The following CES1 variants were observed in gnomAD, a reference collection of about 807,000 sequenced individuals.
CES1 encodes carboxylesterase 1.
In CES1, 50 loss-of-function variants were observed where a neutral mutation model predicts 53.0. The ratio of observed to expected loss-of-function variants is 0.94; its 90% CI spans 0.75 to 1.19. The LOEUF is 1.19. Among genes scored for constraint, CES1 ranks in the 50% most tolerant of loss-of-function variants. The pLI is 0.00. For synonymous variants in CES1, 202 were observed against 210.1 expected, an observed-to-expected ratio of 0.96 and a Z score of 0.33; for missense variants, 534 against 538.0, an observed-to-expected ratio of 0.99 and a Z score of 0.07.
intron 8 of CES1, among the ~76,000 whole-genome samples, chr16:55,816,047 C>A (rs1322936861): frequency 6.6e-6 from 1 of 152,292 alleles, no homozygotes; most frequent in Non-Finnish European, 1.5e-5. Context: ...GGTTTCCTGA[C>A]AGCTGGCTTC....
At position 55,809,093 on chromosome 16, in the gene CES1, C is replaced by CAAAAAAAAAAAAAAAA. The variant is rs376932562; in HGVS notation, c.1318+1408_1318+1423dup. Among the ~76,000 whole-genome samples, 30 of 72,002 alleles carry CAAAAAAAAAAAAAAAA rather than the reference C, an allele frequency of 4.2e-4. 2 individuals are homozygous for CAAAAAAAAAAAAAAAA. Among genetic ancestry groups the CAAAAAAAAAAAAAAAA allele is most frequent in the Admixed American group, 1.1e-3 (6 of 5,620 alleles). 47.2% of individuals were successfully genotyped at this position (72,002 alleles called of 152,430 possible). ...GTAGATAAAATCTGTGTAGTCCTGGCAAAAAAAAAAAAAAAAAAGCCCTGA... is the reference window on the plus strand; with the variant it reads ...GTAGATAAAATCTGTGTAGTCCTGGCAAAAAAAAAAAAAAAAAAAAAAAAAAAAAAAAAAGCCCTGA... On this transcript the variant is annotated intron_variant, in intron 11 of 13. Coordinates refer to ENST00000360526, the MANE Select transcript of CES1 (RefSeq NM_001025195.2).
At chr16:55,826,862 T>C (rs1345818004) in intron 2 of CES1, among the ~76,000 whole-genome samples, 2 of 152,212 alleles carry the variant, frequency 1.3e-5, no homozygotes, top group Non-Finnish European at 2.9e-5. Context: ...GCAACATAGA[T>C]GAACACTGGT....
intron 8 of CES1, among the ~76,000 whole-genome samples, chr16:55,815,741 G>A (rs1347971604): frequency 1.3e-5 from 2 of 152,066 alleles, no homozygotes; most frequent in Non-Finnish European, 2.9e-5. Flanking sequence ...TGCAGTGGCT[G>A]CCCAGCTGGT....
rs57294788 is a variant in CES1 at position 55,830,819 on chromosome 16, AAGGC to A, written c.53-1849_53-1846del. On this transcript the variant is annotated intron_variant, in intron 1 of 13. Coordinates refer to ENST00000360526, the MANE Select transcript of CES1 (RefSeq NM_001025195.2). ...GAAGGAAGGAAGGAAGGAAGGAAGG[AAGGC>A]AGGCAGGCAGGCAGGCAGGCAGGCA... 4.7e-3 allele frequency among the ~76,000 whole-genome samples: 598 copies of A among 127,210 alleles called. 19 individuals are homozygous for A. The highest frequency in any genetic ancestry group is 5.5e-3 in the Non-Finnish European group (345 of 62,270). 83.5% of individuals were successfully genotyped at this position (127,210 alleles called of 152,430 possible).
At chr16:55,818,337 G>C (rs1377920414) in intron 7 of CES1, among the ~76,000 whole-genome samples, 1 of 152,230 alleles carries the variant, frequency 6.6e-6, no homozygotes, top group African/African-American at 2.4e-5. Flanking sequence ...GAAGGCAGAA[G>C]ATACTCTAGA....
At chr16:55,828,300 TTGCCACCCACACACC>T (rs2032495564) in intron 2 of CES1, 2 of 306,790 alleles carry the variant, frequency 6.5e-6, no homozygotes, top group East Asian at 8.0e-5. Context: ...CTCAGTACAC[TTGCCACCCACACACC>T]TCCTGGCCCA....
chr16:55,830,819 A>AAGGAAGGAAGGCAGGC lies in CES1; in HGVS notation c.53-1846_53-1845insGCCTGCCTTCCTTCCT, dbSNP rs1454708070. Among the ~76,000 whole-genome samples, 872 of 127,074 alleles carry AAGGAAGGAAGGCAGGC rather than the reference A, an allele frequency of 6.9e-3. 7 individuals are homozygous for AAGGAAGGAAGGCAGGC. The highest frequency in any genetic ancestry group is 0.018 in the African/African-American group (506 of 28,598). The allele number at this position is 127,074 out of a possible 152,430, so 83.4% of individuals were successfully genotyped here. On this transcript the variant is annotated intron_variant, in intron 1 of 13. Coordinates refer to ENST00000360526, the MANE Select transcript of CES1 (RefSeq NM_001025195.2). ...GAAGGAAGGAAGGAAGGAAGGAAGGAAGGCAGGCAGGCAGGCAGGCAGGCA... is the reference window on the plus strand; with the variant it reads ...GAAGGAAGGAAGGAAGGAAGGAAGGAAGGAAGGAAGGCAGGCAGGCAGGCAGGCAGGCAGGCAGGCA...
intron 1 of CES1, among the ~76,000 whole-genome samples, chr16:55,831,613 G>A (rs1374569474): frequency 6.7e-6 from 1 of 150,282 alleles, no homozygotes; most frequent in Non-Finnish European, 1.5e-5. Flanking sequence ...AGTGGAGGCA[G>A]CCTGTATGGT....
chr16:55,829,489 A>G (rs571745437), intron 1 of CES1, among the ~76,000 whole-genome samples: 2 of 152,244 alleles, frequency 1.3e-5, no homozygotes, highest in Non-Finnish European at 2.9e-5. Flanking sequence ...TGCGGGCATC[A>G]TGGAGGAGCT....
intron 11 of CES1, among the ~76,000 whole-genome samples, chr16:55,809,511 G>A (rs576144007): frequency 1.3e-4 from 20 of 152,312 alleles, no homozygotes; most frequent in Admixed American, 5.2e-4. Flanking sequence ...TAGCTGGCAC[G>A]CAGGAACAGA....
chr16:55,827,164 C>T (rs2142350619), intron 2 of CES1, among the ~76,000 whole-genome samples: 1 of 152,144 alleles, frequency 6.6e-6, no homozygotes, highest in Admixed American at 6.5e-5. Context: ...AACTGAGGCA[C>T]TCAGACTCTG....
At chr16:55,820,798 C>A (rs569841915) in intron 5 of CES1, among the ~76,000 whole-genome samples, 5 of 152,226 alleles carry the variant, frequency 3.3e-5, no homozygotes, top group Non-Finnish European at 7.4e-5. Flanking sequence ...TCCATCCCTC[C>A]TTCCTCTGCC....
chr16:55,813,146 G>A (rs2031778849), intron 8 of CES1, 103 bp from the exon 9 acceptor site: 3 of 1,478,510 alleles, frequency 2.0e-6, no homozygotes, highest in Non-Finnish European at 2.8e-6. Context: ...GACCGGCATG[G>A]CCATGCGCCA....
At chr16:55,814,209 A>T (rs1395107456) in intron 8 of CES1, among the ~76,000 whole-genome samples, 2 of 152,228 alleles carry the variant, frequency 1.3e-5, no homozygotes, top group African/African-American at 4.8e-5. Flanking sequence ...TGAGTAAAAG[A>T]ATCAGTGATT....
rs1373861837 is a variant in CES1 at position 55,811,645 on chromosome 16, C to T, written c.1087-635G>A. Reference sequence around the variant, plus strand: ...ACATAACTGCCTGGGAAGGCTCAACCCTGCCAGGACAATTTACTCTGCTCC... The same window carrying T: ...ACATAACTGCCTGGGAAGGCTCAACTCTGCCAGGACAATTTACTCTGCTCC... On this transcript the variant is annotated intron_variant, in intron 9 of 13. Coordinates refer to ENST00000360526, the MANE Select transcript of CES1 (RefSeq NM_001025195.2). Among the ~76,000 whole-genome samples, 4 of 152,264 alleles carry T rather than the reference C, an allele frequency of 2.6e-5. No homozygotes were observed. In the East Asian group the frequency reaches 7.7e-4, roughly 29 times the overall value.
chr16:55,816,907 A>C lies in CES1; in HGVS notation c.945+17T>G, dbSNP rs1455058004. On this transcript the variant is annotated intron_variant, in intron 8 of 13. Coordinates refer to ENST00000360526, the MANE Select transcript of CES1 (RefSeq NM_001025195.2). ...CTAAGACTCAAAACCCGTAATCCAG[A>C]AACAAAAGGTCCTTACCTCTCTGGG... 1 of 1,613,674 alleles carries C rather than the reference A, an allele frequency of 6.2e-7. No homozygotes were observed. Among genetic ancestry groups the C allele is most frequent in the African/African-American group, 1.3e-5 (1 of 74,902 alleles).
At chr16:55,811,040 G>C in intron 9 of CES1, 30 bp from the exon 10 acceptor site, 1 of 1,524,786 alleles carries the variant, frequency 6.6e-7, no homozygotes, top group Non-Finnish European at 9.1e-7. Flanking sequence ...CAGCATTTAT[G>C]AATCATTGGG....
chr16:55,826,009 C>T (rs142658406), intron 3 of CES1, 142 bp downstream of exon 3: 1 of 1,064,280 alleles, frequency 9.4e-7, no homozygotes, highest in Non-Finnish European at 1.5e-6. Flanking sequence ...ACCAGTGTTT[C>T]CTGTGGAGGC....
At chr16:55,828,660 G>A (rs1172653058) in intron 2 of CES1, 107 bp downstream of exon 2, 18 of 1,209,772 alleles carry the variant, frequency 1.5e-5, no homozygotes, top group Non-Finnish European at 2.1e-5. Context: ...GATCTACAAA[G>A]ATCTTAAGGA....
Sources: gnomAD v4.1 joint callset for allele counts (sites outside exome capture counted in the v4.1 genomes callset) on GRCh38, gnomAD v4.1.1 for gene constraint, MANE v1.5 for transcripts, NCBI Gene and HGNC (gene_info 2026-07-23, HGNC 2026-07-21) for gene names.